The following PRPF40B variants were observed in gnomAD, a reference collection of about 807,000 sequenced individuals.
PRPF40B encodes pre-mRNA-processing factor 40 homolog B.
Under a neutral mutation model 124.5 loss-of-function variants are expected in PRPF40B, and 56 were observed. The ratio of observed to expected loss-of-function variants is 0.45; its 90% confidence interval spans 0.36 to 0.56. The LOEUF (loss-of-function observed/expected upper bound fraction) is 0.56. PRPF40B is among the 20% of genes least tolerant of loss of function. The probability of loss-of-function intolerance (pLI) is 0.00; values close to 1 mark genes in which losing one functional copy is unlikely to be tolerated. For synonymous variants in PRPF40B, 443 were observed against 426.4 expected (o/e 1.04, Z -0.48); for missense variants, 1,053 against 1,169.5 (o/e 0.90, Z 1.45).
In PRPF40B at chr12:49,637,714, C is replaced by G; in HGVS notation, c.1676-19C>G. 3 of 1,536,910 alleles carry G rather than the reference C, an allele frequency of 2.0e-6. No homozygotes were observed. Among genetic ancestry groups the G allele is most frequent in the African/African-American group, 1.4e-5 (1 of 73,410 alleles). ...GGGAAGCTGCCGCCCGCCAGGCCCC[C>G]CTCCCTCCCTCCTTACAGGCTCCAC... On this transcript the variant is annotated intron_variant, in intron 17 of 25. Coordinates refer to ENST00000548825, the MANE Select transcript of PRPF40B (RefSeq NM_001031698.3).
chr12:49,630,496 C>G (rs2138431060), intron 1 of PRPF40B, 49 bp from the exon 2 acceptor site: 1 of 787,586 alleles, frequency 1.3e-6, no homozygotes, highest in East Asian at 2.7e-5. Flanking sequence ...TGCAAAAAGC[C>G]CATCTCTGTG....
At chr12:49,628,773 G>A (rs1342844867) in intron 1 of PRPF40B, among the ~76,000 whole-genome samples, 1 of 151,694 alleles carries the variant, frequency 6.6e-6, no homozygotes, top group Non-Finnish European at 1.5e-5. Context: ...TCACCGTGTT[G>A]GCCAGGATGG....
At position 49,627,438 on chromosome 12, in the gene PRPF40B, C is replaced by T. The variant is rs139189149; in HGVS notation, c.4-3107C>T. Reference sequence around the variant, plus strand: ...AGTTCAGGGAGTTGGGAAAAGCTTTCGTGAAGAAATGATTGGTAGATGTGA... The same window carrying T: ...AGTTCAGGGAGTTGGGAAAAGCTTTTGTGAAGAAATGATTGGTAGATGTGA... On this transcript the variant is annotated intron_variant, in intron 1 of 25. Coordinates refer to ENST00000548825, the MANE Select transcript of PRPF40B (RefSeq NM_001031698.3). Among the ~76,000 whole-genome samples the T allele has an allele frequency of 2.6e-5, 4 of 152,152 alleles. No homozygotes were observed. The East Asian group carries it at 5.8e-4, about 22-fold the overall frequency.
Position 49,628,184 on chromosome 12 carries a change from A to T in PRPF40B, c.4-2361A>T, listed in dbSNP as rs1940895234. ...GAACTAAAGCAGTTGAGCACTTAGA[A>T]AAGATGAGTCACATTGGAGAGGTTT... On this transcript the variant is annotated intron_variant, in intron 1 of 25. Transcript: ENST00000548825. Among the ~76,000 whole-genome samples, 6 of 152,362 alleles carry T rather than the reference A, an allele frequency of 3.9e-5. No homozygotes were observed. The South Asian group carries it at 1.2e-3, about 32-fold the overall frequency.
In PRPF40B at chr12:49,643,753, G is replaced by T. The variant is rs1053421633; in HGVS notation, c.2442+1G>T. 6.2e-7 allele frequency: 1 copy of T among 1,614,114 alleles called. No homozygotes were observed. On this transcript the variant is annotated splice_donor_variant, in intron 24 of 25. Transcript: ENST00000548825. LOFTEE classifies it high-confidence loss of function. ...AACTAAGAAGAGAAGACACAAGTCG[G>T]TGAGTGAAGGAACTTCTACCTAAGC...
chr12:49,644,422 G>T lies in PRPF40B; in HGVS notation c.*230G>T, dbSNP rs1193873803. 3.6e-6 allele frequency: 2 copies of T among 559,184 alleles called. No individual in the cohort carries two copies. Among genetic ancestry groups the T allele is most frequent in the Non-Finnish European group, 6.5e-6 (2 of 308,800 alleles). The allele number at this position is 559,184 out of a possible 1,614,324, so 34.6% of individuals were successfully genotyped here. On this transcript the variant is annotated 3_prime_UTR_variant, in exon 26 of 26. Transcript: ENST00000548825. ...GCCCTCAGCCCCAGACCAGAGATGG[G>T]TGGTATATGCCATGTGGGGTGGGTG... is the stretch of plus-strand genomic sequence containing the variant.
Position 49,635,268 on chromosome 12 carries a change from G to A in PRPF40B, c.1166+5G>A. ...GACCTCCACCACCCGCTACCGGTCA[G>A]GGGGCCAGGCTGGGCTGGGACTTGG... On this transcript the variant is annotated splice_donor_5th_base_variant and intron_variant, in intron 13 of 25. Transcript: ENST00000548825. This position sits in a 1 kb window ranked among gnomAD's most constrained non-coding sequence, Gnocchi z 4.1. 1 of 1,612,260 alleles carries A rather than the reference G, an allele frequency of 6.2e-7. No individual in the cohort carries two copies. Among genetic ancestry groups the A allele is most frequent in the Non-Finnish European group, 8.5e-7 (1 of 1,179,022 alleles).
In PRPF40B at chr12:49,638,171, G is replaced by A. The variant is rs757940971; in HGVS notation, c.1767+347G>A. 91 of 226,352 alleles carry A rather than the reference G, an allele frequency of 4.0e-4. 1 individual carries two copies. Among genetic ancestry groups the A allele is most frequent in the Non-Finnish European group, 1.4e-4 (16 of 114,530 alleles). 14.0% of individuals were successfully genotyped at this position (226,352 alleles called of 1,614,324 possible). ...GTACTAAGAGCAAAGGCAAGGGGGT[G>A]GAAAGGGCATGCCAGGTCTGAGGAG... On this transcript the variant is annotated intron_variant, in intron 18 of 25. Transcript: ENST00000548825.
chr12:49,631,355 G>T lies in PRPF40B; in HGVS notation c.85-46G>T. The T allele has an allele frequency of 7.1e-7, 1 of 1,416,562 alleles. No homozygotes were observed. The highest frequency in any genetic ancestry group is 9.4e-7 in the Non-Finnish European group (1 of 1,063,416). The allele number at this position is 1,416,562 out of a possible 1,614,324, so 87.7% of individuals were successfully genotyped here. On this transcript the variant is annotated intron_variant, in intron 2 of 25. Transcript: ENST00000548825. This position sits in a 1 kb window ranked among gnomAD's most constrained non-coding sequence, Gnocchi z 4.3. ...GACAGGTCCTCTCTACCTCTGACAA[G>T]GCGATGTCTTCCCTGCTCAGTATCT...
intron 18 of PRPF40B, 36 bp downstream of exon 18, chr12:49,637,860 G>A: frequency 1.3e-6 from 2 of 1,523,066 alleles, no homozygotes; most frequent in Non-Finnish European, 1.8e-6. Context: ...GATACAGGAT[G>A]GATGCAGGGC....
In PRPF40B at chr12:49,637,820, T is replaced by C; in HGVS notation, c.1763T>C (p.Leu588Pro). 6.2e-7 allele frequency: 1 copy of C among 1,605,104 alleles called. No individual in the cohort carries two copies. Among genetic ancestry groups the C allele is most frequent in the Non-Finnish European group, 8.5e-7 (1 of 1,172,284 alleles). ...HDEKKIIKDI[L>P]KDRGFCVEVN... ...GAAAAGAAGATCATTAAGGACATCC[T>C]TAAGGTGAGGGAGGCTGGGGTTATG... The change falls in exon 18 of 26, where the codon CTT becomes CCT. Residue 588 changes from leucine to proline, a missense_variant. This residue lies in a region of PRPF40B where 895 missense variants were observed against 1,052.2 expected (regional missense o/e 0.85). Coordinates refer to ENST00000548825, the MANE Select transcript of PRPF40B (RefSeq NM_001031698.3).
rs200282180 is a variant in PRPF40B, at chr12:49,631,392, C to T, written c.85-9C>T. On this transcript the variant is annotated splice_polypyrimidine_tract_variant and intron_variant, in intron 2 of 25. Coordinates refer to ENST00000548825, the MANE Select transcript of PRPF40B (RefSeq NM_001031698.3). This position sits in a 1 kb window ranked among gnomAD's most constrained non-coding sequence, Gnocchi z 4.3. ...CCTGCTCAGTATCTCTTCCTTTACT[C>T]ATTTCCAGATGCCCCCTCCAGGGAT... The T allele has an allele frequency of 1.3e-5, 20 of 1,512,396 alleles. No homozygotes were observed. The East Asian group carries it at 1.4e-4, about 11-fold the overall frequency. 93.7% of individuals were successfully genotyped at this position (1,512,396 alleles called of 1,614,324 possible). A position where few individuals can be genotyped will look rare whatever the true frequency, so the allele number is the denominator to read the frequency against.
At chr12:49,636,407 T>C in intron 15 of PRPF40B, 1 of 444,304 alleles carries the variant, frequency 2.3e-6, no homozygotes, top group East Asian at 3.6e-5. Flanking sequence ...CATCAAAGCC[T>C]GATTGATTCC....
chr12:49,628,898 G>A (rs956408262), intron 1 of PRPF40B, among the ~76,000 whole-genome samples: 25 of 152,306 alleles, frequency 1.6e-4, no homozygotes, highest in Non-Finnish European at 2.6e-4. Flanking sequence ...GACATGAAGG[G>A]CGTTTTTAAA....
chr12:49,638,166 G>A (rs752410278), intron 18 of PRPF40B: 1 of 231,300 alleles, frequency 4.3e-6, no homozygotes, highest in Non-Finnish European at 8.5e-6. Context: ...CAAAGGCAAG[G>A]GGGTGGAAAG....
chr12:49,631,580 C>T lies in PRPF40B; in HGVS notation c.228+36C>T. 6.5e-7 allele frequency: 1 copy of T among 1,534,556 alleles called. No homozygotes were observed. The highest frequency in any genetic ancestry group is 2.3e-5 in the East Asian group (1 of 44,266). ...CTCCTCCCCTGGGGCCTCAGAAAAC[C>T]CTGTCAGTTTAGCTGGGGGTGGAGA... On this transcript the variant is annotated intron_variant, in intron 3 of 25. Transcript: ENST00000548825. This position sits in a 1 kb window ranked among gnomAD's most constrained non-coding sequence, Gnocchi z 4.3.
chr12:49,644,435 T>A lies in PRPF40B; in HGVS notation c.*243T>A. On this transcript the variant is annotated 3_prime_UTR_variant, in exon 26 of 26. Coordinates refer to ENST00000548825, the MANE Select transcript of PRPF40B (RefSeq NM_001031698.3). ...GACCAGAGATGGGTGGTATATGCCA[T>A]GTGGGGTGGGTGATGCCAGTAGATA... 1.9e-6 allele frequency: 1 copy of A among 529,528 alleles called. No individual in the cohort carries two copies. Among genetic ancestry groups the A allele is most frequent in the Non-Finnish European group, 3.4e-6 (1 of 290,424 alleles). The allele number at this position is 529,528 out of a possible 1,614,324, so 32.8% of individuals were successfully genotyped here.
intron 1 of PRPF40B, among the ~76,000 whole-genome samples, chr12:49,629,150 A>T (rs1353946998): frequency 6.6e-6 from 1 of 152,228 alleles, no homozygotes; most frequent in Non-Finnish European, 1.5e-5. Context: ...CCATACAGGG[A>T]AAAGTCTCCC....
chr12:49,635,601 G>T lies in PRPF40B; in HGVS notation c.1275+128G>T. On this transcript the variant is annotated intron_variant, in intron 14 of 25. Transcript: ENST00000548825. The surrounding 1 kb of genome is among the most constrained non-coding windows in gnomAD (Gnocchi z 4.1). Reference sequence around the variant, plus strand: ...GTCCCAGCTTCTGACTTGGAAGCTGGTATGGGACTTGCACATCTCATTTCT... The same window carrying T: ...GTCCCAGCTTCTGACTTGGAAGCTGTTATGGGACTTGCACATCTCATTTCT... 2.0e-6 allele frequency: 2 copies of T among 994,964 alleles called. No homozygotes were observed. Among genetic ancestry groups the T allele is most frequent in the Non-Finnish European group, 2.9e-6 (2 of 678,226 alleles). The allele number at this position is 994,964 out of a possible 1,614,324, so 61.6% of individuals were successfully genotyped here.
Sources: gnomAD v4.1 joint callset for allele counts (sites outside exome capture counted in the v4.1 genomes callset) on GRCh38, gnomAD v4.1.1 for gene constraint, gnomAD v4.1.1 regional missense constraint, Gnocchi (gnomAD v3.1) non-coding constraint, MANE v1.5 for transcripts, NCBI Gene and HGNC (gene_info 2026-07-23, HGNC 2026-07-21) for gene names.